The following DNAAF11 variants were observed in gnomAD, a reference collection of about 807,000 sequenced individuals.
The protein encoded by DNAAF11 is dynein axonemal assembly factor 11.
DNAAF11 carries 45 observed loss-of-function variants against 60.8 expected under a neutral mutation model. That is an observed-to-expected ratio of 0.74 (90% CI 0.58 to 0.95). The LOEUF is 0.95. DNAAF11 is among the 40% of genes least tolerant of loss of function. The pLI, the probability that DNAAF11 is intolerant of heterozygous loss-of-function variation, is 0.00. For missense variants in DNAAF11, 546 were observed against 546.2 expected, an observed-to-expected ratio of 1.00 and a Z score of 0.00; for synonymous variants, 191 against 183.5, an observed-to-expected ratio of 1.04 and a Z score of -0.33.
At chr8:132,603,883 A>T (rs1817883838) in intron 10 of DNAAF11, among the ~76,000 whole-genome samples, 1 of 152,148 alleles carries the variant, frequency 6.6e-6, no homozygotes, top group East Asian at 1.9e-4. Context: ...AAGTCTTTTA[A>T]AAGCAAGTGG....
At chr8:132,583,823 T>G in intron 10 of DNAAF11, 44 bp from the exon 11 acceptor site, 2 of 1,250,422 alleles carry the variant, frequency 1.6e-6, no homozygotes, top group South Asian at 2.4e-5. Context: ...CATTACTCCT[T>G]GATGTACCTT....
intron 11 of DNAAF11, among the ~76,000 whole-genome samples, chr8:132,581,661 C>CAA (rs59380140): frequency 2.0e-3 from 168 of 82,672 alleles, no homozygotes; most frequent in Non-Finnish European, 2.5e-3. Context: ...GACTCTGCCT[C>CAA]AAAAAAAAAA....
upstream of DNAAF11, among the ~76,000 whole-genome samples, chr8:132,679,141 G>A (rs1397542956): frequency 6.6e-6 from 1 of 152,200 alleles, no homozygotes; most frequent in African/African-American, 2.4e-5. Context: ...AAAGCATAGT[G>A]AATCAGAATT....
At chr8:132,620,498 C>T (rs2130224332) in intron 7 of DNAAF11, among the ~76,000 whole-genome samples, 1 of 152,150 alleles carries the variant, frequency 6.6e-6, no homozygotes, top group East Asian at 1.9e-4. Flanking sequence ...CCATTCCTGG[C>T]TAATTTTTGT....
chr8:132,670,469 T>C (rs1825073904), intron 1 of DNAAF11, among the ~76,000 whole-genome samples: 2 of 152,222 alleles, frequency 1.3e-5, no homozygotes, highest in Admixed American at 1.3e-4. Flanking sequence ...ACTGGATATG[T>C]AGTTAAAAAC....
rs549929458 is a variant in DNAAF11, at chr8:132,621,764, G to A, written c.914+847C>T. ...TTATCATGGAAGTCACTAGAACTAG[G>A]TTAGCATGAGCAACTCAGAAACACC... On this transcript the variant is annotated intron_variant, in intron 7 of 11. Transcript: ENST00000620350. Among the ~76,000 whole-genome samples the A allele has an allele frequency of 3.9e-5, 6 of 152,234 alleles. No individual in the cohort carries two copies. The South Asian group carries it at 1.2e-3, about 32-fold the overall frequency.
chr8:132,583,953 G>A (rs1033011075), intron 10 of DNAAF11, among the ~76,000 whole-genome samples, 174 bp from the exon 11 acceptor site: 5 of 152,106 alleles, frequency 3.3e-5, no homozygotes, highest in African/African-American at 4.8e-5. Flanking sequence ...GTTATATCAC[G>A]AATTGTATCT....
At chr8:132,650,505 C>T (rs1375111960) in intron 3 of DNAAF11, among the ~76,000 whole-genome samples, 1 of 152,032 alleles carries the variant, frequency 6.6e-6, no homozygotes. Context: ...TACCCTAGAA[C>T]TTAAAGTACA....
intron 10 of DNAAF11, among the ~76,000 whole-genome samples, chr8:132,592,735 G>A (rs1179228967): frequency 2.0e-5 from 3 of 152,084 alleles, no homozygotes; most frequent in Non-Finnish European, 4.4e-5. Context: ...AGAGATGATT[G>A]TTATCTCTGC....
At position 132,661,536 on chromosome 8, in the gene DNAAF11, T is replaced by C. The variant is rs1165230821; in HGVS notation, c.102A>G (p.Glu34=). The stretch of plus-strand genomic sequence containing the variant: ...ACCATTTATCAATGTGTTCTAGTCT[T>C]TCTATTTCTTGCTGATGCAACGAGA... ...EELSLHQQEI[E]RLEHIDKWCR... is the part of the protein sequence containing the mutation. The change falls in exon 2 of 12, where the codon GAA becomes GAG. Residue 34 remains glutamate (E), a synonymous_variant. Coordinates refer to ENST00000620350, the MANE Select transcript of DNAAF11 (RefSeq NM_012472.6). The C allele has an allele frequency of 1.2e-6, 2 of 1,613,934 alleles. No homozygotes were observed. Among genetic ancestry groups the C allele is most frequent in the East Asian group, 2.2e-5 (1 of 44,882 alleles).
intron 7 of DNAAF11, among the ~76,000 whole-genome samples, chr8:132,617,640 C>A (rs1819309879): frequency 6.6e-6 from 1 of 152,118 alleles, no homozygotes; most frequent in Non-Finnish European, 1.5e-5. Context: ...GTTGCCCTGG[C>A]CAGAACTTCC....
At chr8:132,615,493 A>G (rs1819050381) in intron 7 of DNAAF11, among the ~76,000 whole-genome samples, 1 of 152,060 alleles carries the variant, frequency 6.6e-6, no homozygotes, top group African/African-American at 2.4e-5. Context: ...CCTGCATTCT[A>G]TTCCTTAAGT....
chr8:132,587,288 C>A (rs899041401), intron 10 of DNAAF11, among the ~76,000 whole-genome samples: 11 of 152,150 alleles, frequency 7.2e-5, no homozygotes, highest in African/African-American at 2.7e-4. Flanking sequence ...CATTTAGTTT[C>A]AAAGATTGTT....
At chr8:132,639,551 T>C (rs760562507) in intron 3 of DNAAF11, among the ~76,000 whole-genome samples, 11 of 152,230 alleles carry the variant, frequency 7.2e-5, no homozygotes, top group Admixed American at 2.6e-4. Flanking sequence ...GCTATGCAAC[T>C]GTATCACCTT....
At chr8:132,654,088 T>C (rs1224604080) in intron 3 of DNAAF11, among the ~76,000 whole-genome samples, 1 of 151,976 alleles carries the variant, frequency 6.6e-6, no homozygotes, top group African/African-American at 2.4e-5. Flanking sequence ...ACCATACAAA[T>C]GGTAACCAAA....
chr8:132,623,840 C>T (rs965688676), intron 6 of DNAAF11, among the ~76,000 whole-genome samples: 3 of 152,266 alleles, frequency 2.0e-5, no homozygotes, highest in South Asian at 4.1e-4. Context: ...CTTGGCTTCA[C>T]CCTACTCAGT....
rs143748243 is a variant in DNAAF11, at chr8:132,650,621, C to T, written c.256+6209G>A. 4.4e-3 allele frequency among the ~76,000 whole-genome samples: 676 copies of T among 152,236 alleles called. 9 individuals are homozygous for T. Among genetic ancestry groups the T allele is most frequent in the African/African-American group, 0.016 (646 of 41,544 alleles). On this transcript the variant is annotated intron_variant, in intron 3 of 11. Coordinates refer to ENST00000620350, the MANE Select transcript of DNAAF11 (RefSeq NM_012472.6). ...CACTATATGAAGGATGTGTACAAAA[C>T]TATATCTACAAATAAAACAGTCTAT...
chr8:132,631,707 T>C (rs1370882049), intron 5 of DNAAF11, among the ~76,000 whole-genome samples: 1 of 152,246 alleles, frequency 6.6e-6, no homozygotes, highest in African/African-American at 2.4e-5. Context: ...GCTCTCTTAA[T>C]GATATTTTAT....
the DNAAF11 span, among the ~76,000 whole-genome samples, chr8:132,685,541 C>T: frequency 2.6e-5 from 4 of 152,280 alleles, no homozygotes; most frequent in Non-Finnish European, 5.9e-5. Context: ...TTTGTCATAT[C>T]AGTCAACCCT....
Sources: allele counts gnomAD v4.1 joint callset (sites outside exome capture counted in the v4.1 genomes callset), GRCh38; gene constraint gnomAD v4.1.1; transcripts MANE v1.5; gene names NCBI Gene and HGNC (gene_info 2026-07-23, HGNC 2026-07-21).